Variants in DOCK4 observed in about 807,000 individuals in gnomAD.
The protein encoded by DOCK4 is dedicator of cytokinesis protein 4.
DOCK4 carries 97 observed loss-of-function variants against 268.1 expected under a neutral mutation model. That is an observed-to-expected ratio of 0.36 (90% CI 0.31 to 0.43). The LOEUF (loss-of-function observed/expected upper bound fraction) is 0.43. Ranked by LOEUF, DOCK4 falls within the 20% of genes least tolerant of loss-of-function variation. DOCK4 has a pLI of 1.00. For missense variants in DOCK4, 2,145 were observed against 2,455.7 expected (o/e 0.87, Z 2.67); for synonymous variants, 954 against 887.2 (o/e 1.08, Z -1.34).
At chr7:112,017,031 C>G (rs192034892) in intron 1 of DOCK4, among the ~76,000 whole-genome samples, 14 of 152,280 alleles carry the variant, frequency 9.2e-5, no homozygotes, top group Admixed American at 5.2e-4. Context: ...ATCAAACTCT[C>G]TAGCTTCACT....
At chr7:111,959,517 C>A (rs1223521990) in intron 8 of DOCK4, among the ~76,000 whole-genome samples, 1 of 152,194 alleles carries the variant, frequency 6.6e-6, no homozygotes, top group Non-Finnish European at 1.5e-5. Context: ...ACGAGAAATA[C>A]TAGCACAGTG....
chr7:111,852,556 A>G (rs982534245), intron 23 of DOCK4, among the ~76,000 whole-genome samples: 11 of 151,944 alleles, frequency 7.2e-5, no homozygotes, highest in Admixed American at 7.2e-4. Flanking sequence ...ATTGCCTAGT[A>G]ATGTTTAATT....
intron 31 of DOCK4, 121 bp downstream of exon 31, chr7:111,790,336 C>T: frequency 8.2e-7 from 1 of 1,221,186 alleles, no homozygotes; most frequent in African/African-American, 1.5e-5. Context: ...ATAGGCCAGG[C>T]TGGAATCTAG....
chr7:111,889,084 T>A (rs1417828291), intron 16 of DOCK4, among the ~76,000 whole-genome samples: 1 of 152,126 alleles, frequency 6.6e-6, no homozygotes, highest in African/African-American at 2.4e-5. Flanking sequence ...CACTTAACTA[T>A]CCCTAAGTGC....
chr7:111,787,155 A>G (rs1279724193), intron 32 of DOCK4, among the ~76,000 whole-genome samples: 1 of 152,198 alleles, frequency 6.6e-6, no homozygotes, highest in African/African-American at 2.4e-5. Flanking sequence ...AAAGTAGATA[A>G]GAGGCACTAA....
At position 111,913,555 on chromosome 7, in the gene DOCK4, G is replaced by A. The variant is rs112319849; in HGVS notation, c.1192+2224C>T. Reference sequence around the variant, plus strand: ...CTCCCGAGTAGCTGGGACTACAGGCGCCCGCCACCACGCCCGGCTAATTTT... The same window carrying A: ...CTCCCGAGTAGCTGGGACTACAGGCACCCGCCACCACGCCCGGCTAATTTT... On this transcript the variant is annotated intron_variant, in intron 13 of 52. Coordinates refer to ENST00000428084, the MANE Select transcript of DOCK4 (RefSeq NM_001363540.2). 1.1e-4 allele frequency among the ~76,000 whole-genome samples: 16 copies of A among 150,414 alleles called. No homozygotes were observed. The South Asian group carries it at 2.1e-3, about 20-fold the overall frequency.
At chr7:112,000,630 C>T in intron 2 of DOCK4, 96 bp from the exon 3 acceptor site, 1 of 934,868 alleles carries the variant, frequency 1.1e-6, no homozygotes, top group African/African-American at 1.7e-5. Flanking sequence ...GGAATTTTAC[C>T]ATACATGAAA....
intron 1 of DOCK4, among the ~76,000 whole-genome samples, chr7:112,165,568 G>A (rs1479305597): frequency 6.7e-6 from 1 of 149,774 alleles, no homozygotes; most frequent in Non-Finnish European, 1.5e-5. Flanking sequence ...GTGCGTGTGT[G>A]TGTGTATCCC....
intron 1 of DOCK4, among the ~76,000 whole-genome samples, chr7:112,085,917 A>C (rs952571953): frequency 3.3e-5 from 5 of 152,154 alleles, no homozygotes; most frequent in African/African-American, 1.2e-4. Context: ...ACCAGAGTCT[A>C]ATCAAGTCTC....
chr7:111,877,311 T>C, intron 16 of DOCK4, 125 bp from the exon 17 acceptor site: 3 of 922,954 alleles, frequency 3.3e-6, no homozygotes, highest in Non-Finnish European at 4.3e-6. Context: ...CAAGTAGAAT[T>C]TGGTTTTTAA....
At chr7:111,870,000 T>C (rs1277855766) in intron 20 of DOCK4, among the ~76,000 whole-genome samples, 2 of 152,156 alleles carry the variant, frequency 1.3e-5, no homozygotes, top group Admixed American at 1.3e-4. Context: ...AAACTGCTCA[T>C]TGGGATTTCT....
At chr7:112,030,405 G>T (rs1803169500) in intron 1 of DOCK4, among the ~76,000 whole-genome samples, 1 of 152,166 alleles carries the variant, frequency 6.6e-6, no homozygotes, top group Non-Finnish European at 1.5e-5. Context: ...CTAAATAATG[G>T]ATTAACATCC....
At chr7:112,123,320 A>G (rs944005000) in intron 1 of DOCK4, among the ~76,000 whole-genome samples, 2 of 152,192 alleles carry the variant, frequency 1.3e-5, no homozygotes, top group Admixed American at 6.5e-5. Flanking sequence ...GGAAGGTCAC[A>G]TAGACCTTGA....
chr7:111,769,580 C>G lies in DOCK4; in HGVS notation c.3777G>C (p.Gln1259His). ...TGGTGAGGTGCAGGTGCTCTTTGCG[C>G]TGCCATTCTGTTTGCATGGGGTAGG... ...FLTYPMQTEW[Q>H]RKEHLHLTII... Residue 1259 changes from glutamine (Q) to histidine (H), a missense_variant, in exon 37 of 53, where the codon CAG becomes CAC. By Grantham distance (24) the Gln-to-His change is conservative (BLOSUM62 0). Transcript: ENST00000428084. 1 of 1,613,770 alleles carries G rather than the reference C, an allele frequency of 6.2e-7. No individual in the cohort carries two copies. Among genetic ancestry groups the G allele is most frequent in the Non-Finnish European group, 8.5e-7 (1 of 1,179,812 alleles).
chr7:111,858,224 T>G (rs1246871499), intron 23 of DOCK4, among the ~76,000 whole-genome samples: 1 of 152,208 alleles, frequency 6.6e-6, no homozygotes. Flanking sequence ...TCTTTCTGTC[T>G]TCTCTATGTG....
At chr7:112,159,582 C>G (rs1197735170) in intron 1 of DOCK4, among the ~76,000 whole-genome samples, 1 of 152,128 alleles carries the variant, frequency 6.6e-6, no homozygotes, top group East Asian at 1.9e-4. Flanking sequence ...TTTGCTCTAA[C>G]AGTTGTCTCC....
intron 7 of DOCK4, among the ~76,000 whole-genome samples, chr7:111,983,860 G>GTGCACACACACACACACACA (rs1554403059): frequency 1.6e-5 from 2 of 128,844 alleles, no homozygotes; most frequent in African/African-American, 3.3e-5. Flanking sequence ...GCGCGCGCGC[G>GTGCACACACACACACACACA]CGCACACACA....
At position 112,146,800 on chromosome 7, in the gene DOCK4, C is replaced by T. The variant is rs923240939; in HGVS notation, c.37+59302G>A. Among the ~76,000 whole-genome samples the T allele has an allele frequency of 6.6e-5, 10 of 152,078 alleles. 1 individual carries two copies. The highest frequency in any genetic ancestry group is 1.2e-4 in the African/African-American group (5 of 41,406). ...AGGAGGCTTCGATATCTCTTCATCCCATCTAATTTCTTCATTAAGTTTGAA... is the reference window on the plus strand; with the variant it reads ...AGGAGGCTTCGATATCTCTTCATCCTATCTAATTTCTTCATTAAGTTTGAA... On this transcript the variant is annotated intron_variant, in intron 1 of 52. Coordinates refer to ENST00000428084, the MANE Select transcript of DOCK4 (RefSeq NM_001363540.2).
At chr7:112,173,133 A>T (rs1324797151) in intron 1 of DOCK4, among the ~76,000 whole-genome samples, 1 of 152,216 alleles carries the variant, frequency 6.6e-6, no homozygotes, top group Non-Finnish European at 1.5e-5. Context: ...AATCCCTCTG[A>T]CATTCTATAC....
Sources: allele counts gnomAD v4.1 joint callset (sites outside exome capture counted in the v4.1 genomes callset), GRCh38; gene constraint gnomAD v4.1.1; transcripts MANE v1.5; gene names NCBI Gene and HGNC (gene_info 2026-07-23, HGNC 2026-07-21).